The following TRPM4 variants were observed in gnomAD, a reference collection of about 807,000 sequenced individuals.
TRPM4 encodes the protein transient receptor potential cation channel subfamily M member 4, also known as calcium-activated non-selective cation channel 1.
Under a neutral mutation model 135.6 loss-of-function variants are expected in TRPM4, and 124 were observed. The observed-to-expected ratio is 0.91, with a 90% confidence interval of 0.79 to 1.06. The LOEUF (loss-of-function observed/expected upper bound fraction) is 1.06, where lower values mean the gene tolerates loss of function less well. Among genes scored for constraint, TRPM4 ranks in the 50% least tolerant of loss-of-function variants. TRPM4 has a pLI of 0.00. For synonymous variants in TRPM4, 745 were observed against 705.6 expected (o/e 1.06, Z -0.88); for missense variants, 1,658 against 1,671.4 (o/e 0.99, Z 0.14).
In TRPM4 at chr19:49,165,988, G is replaced by A. The variant is rs1001498233; in HGVS notation, c.93-53G>A. The A allele has an allele frequency of 4.6e-6, 7 of 1,533,404 alleles. No individual in the cohort carries two copies. The East Asian group carries it at 1.7e-4, about 37-fold the overall frequency. 95.0% of individuals were successfully genotyped at this position (1,533,404 alleles called of 1,614,324 possible). A position where few individuals can be genotyped will look rare whatever the true frequency, so the allele number is the denominator to read the frequency against. ...ACAGGAGCATGAACACGCTGACAGG[G>A]TGCTGGGGTCGGGGGGCAGCCCTGG... is the stretch of plus-strand genomic sequence containing the variant. On this transcript the variant is annotated intron_variant, in intron 2 of 24. Coordinates refer to ENST00000252826, the MANE Select transcript of TRPM4 (RefSeq NM_017636.4).
chr19:49,176,967 A>G (rs1967719640), intron 9 of TRPM4, among the ~76,000 whole-genome samples: 1 of 151,960 alleles, frequency 6.6e-6, no homozygotes, highest in African/African-American at 2.4e-5. Context: ...TGGAGATAAT[A>G]TCTTACAGGA....
intron 16 of TRPM4, among the ~76,000 whole-genome samples, chr19:49,195,415 A>G (rs1015829881): frequency 6.6e-6 from 1 of 152,010 alleles, no homozygotes; most frequent in Non-Finnish European, 1.5e-5. Flanking sequence ...CTCGTTGCCC[A>G]GGCTGGAGTC....
chr19:49,211,118 T>G lies in TRPM4; in HGVS notation c.3534+31T>G. 1.9e-6 allele frequency: 3 copies of G among 1,612,370 alleles called. No homozygotes were observed. The highest frequency in any genetic ancestry group is 2.5e-6 in the Non-Finnish European group (3 of 1,179,126). Reference sequence around the variant, plus strand: ...GCCTTGGGGCCTGGCTGGGGGACTGTGGCAGGGGTCCCATCTCCCGCTCTG... The same window carrying G: ...GCCTTGGGGCCTGGCTGGGGGACTGGGGCAGGGGTCCCATCTCCCGCTCTG... On this transcript the variant is annotated intron_variant, in intron 23 of 24. Transcript: ENST00000252826. The surrounding 1 kb of genome is among the most constrained non-coding windows in gnomAD (Gnocchi z 4.8).
At position 49,202,066 on chromosome 19, in the gene TRPM4, T is replaced by C. The variant is rs761348609; in HGVS notation, c.3056T>C (p.Leu1019Pro). ...TGCGTCTCCCAGTATGCCAACTGGC[T>C]GGTGGTGCTGCTCCTCGTCATCTTC... ...GTCVSQYANW[L>P]VVLLLVIFLL... Residue 1019 changes from leucine (L) to proline (P), a missense_variant, in exon 20 of 25, where the codon CTG (leucine) becomes CCG (proline). This residue lies in a region of TRPM4 where 1,412 missense variants were observed against 1,408.7 expected (regional missense o/e 1.00). Transcript: ENST00000252826. 6.2e-7 allele frequency: 1 copy of C among 1,614,122 alleles called. No individual in the cohort carries two copies. Among genetic ancestry groups the C allele is most frequent in the Non-Finnish European group, 8.5e-7 (1 of 1,180,048 alleles).
At position 49,188,767 on chromosome 19, in the gene TRPM4, G is replaced by C; in HGVS notation, c.1870G>C (p.Val624Leu). The C allele has an allele frequency of 1.2e-6, 2 of 1,614,098 alleles. No homozygotes were observed. Among genetic ancestry groups the C allele is most frequent in the Non-Finnish European group, 1.7e-6 (2 of 1,179,996 alleles). Residue 624 changes from valine to leucine, a missense_variant, in exon 13 of 25, where the codon GTT (valine) becomes CTT (leucine). Val to Leu is a conservative substitution (Grantham distance 32). Around this residue, in one of 3 missense-constraint regions of TRPM4, gnomAD observed 1,412 missense variants for 1,408.7 expected, o/e 1.00. Transcript: ENST00000252826. ...DLAFKFEGMG[V>L]DLFGECYRSS... ...GGCGTTCAAGTTTGAGGGGATGGGC[G>C]TTGGTGCGTGGGGCACGGTGCCTGG...
intron 16 of TRPM4, among the ~76,000 whole-genome samples, chr19:49,195,707 A>G (rs1968607777): frequency 7.3e-6 from 1 of 137,382 alleles, no homozygotes; most frequent in Non-Finnish European, 1.5e-5. Context: ...TTTTTTAGAC[A>G]GGGTCTCGCT....
chr19:49,171,852 C>A lies in TRPM4; in HGVS notation c.1050+83C>A. ...GCTCCTGGGTCTGAGGGAGGAGGGGCTGGGGGCCTGGACTTCCAGGTTCCG... is the reference window on the plus strand; with the variant it reads ...GCTCCTGGGTCTGAGGGAGGAGGGGATGGGGGCCTGGACTTCCAGGTTCCG... On this transcript the variant is annotated intron_variant, in intron 8 of 24. Transcript: ENST00000252826. The surrounding 1 kb of genome is among the most constrained non-coding windows in gnomAD (Gnocchi z 4.7). The A allele has an allele frequency of 6.7e-7, 1 of 1,483,964 alleles. No individual in the cohort carries two copies. The highest frequency in any genetic ancestry group is 9.3e-7 in the Non-Finnish European group (1 of 1,077,064). 91.9% of individuals were successfully genotyped at this position (1,483,964 alleles called of 1,614,324 possible).
chr19:49,168,458 G>GCCTGGACT, intron 5 of TRPM4, 35 bp downstream of exon 5: 1 of 1,613,856 alleles, frequency 6.2e-7, no homozygotes, highest in Non-Finnish European at 8.5e-7. Context: ...GGGGCTGGAG[G>GCCTGGACT]CCTGGACTCC....
intron 2 of TRPM4, chr19:49,158,652 T>G: frequency 4.5e-6 from 1 of 222,172 alleles, no homozygotes; most frequent in Non-Finnish European, 9.0e-6. Context: ...CACTCAGCGC[T>G]CCCAAGGTCC....
intron 9 of TRPM4, among the ~76,000 whole-genome samples, chr19:49,176,295 A>G (rs1244864161): frequency 6.6e-6 from 1 of 152,148 alleles, no homozygotes; most frequent in Non-Finnish European, 1.5e-5. Context: ...TGGGACAATC[A>G]TAGCTCACTG....
chr19:49,164,364 G>GTTTT (rs869232937), intron 2 of TRPM4, among the ~76,000 whole-genome samples: 315 of 16,250 alleles, frequency 0.019, 71 homozygotes, highest in Admixed American at 0.028. Context: ...TCTTTCCTTA[G>GTTTT]TTTTTTTTTT....
chr19:49,200,429 G>A lies in TRPM4; in HGVS notation c.2775G>A (p.Lys925=). The change falls in exon 18 of 25, where the codon AAG becomes AAA. Residue 925 remains lysine (K), a synonymous_variant. Transcript: ENST00000252826. The part of the protein sequence containing the change: ...QLGPKIVIVS[K]MMKDVFFFLF... ...GGCCCAAGATCGTCATCGTGAGCAA[G>A]ATGGTGAGGCAGGGGCGGGGCCAAA... The A allele has an allele frequency of 6.6e-7, 1 of 1,520,478 alleles. No individual in the cohort carries two copies. Among genetic ancestry groups the A allele is most frequent in the Non-Finnish European group, 8.9e-7 (1 of 1,121,244 alleles). 94.2% of individuals were successfully genotyped at this position (1,520,478 alleles called of 1,614,324 possible).
intron 6 of TRPM4, among the ~76,000 whole-genome samples, chr19:49,170,998 A>G (rs1967430610): frequency 6.6e-6 from 1 of 152,066 alleles, no homozygotes; most frequent in Non-Finnish European, 1.5e-5. Context: ...TAGGAGGATC[A>G]AGATGTAGTG....
At chr19:49,176,959 G>T in intron 9 of TRPM4, among the ~76,000 whole-genome samples, 1 of 152,114 alleles carries the variant, frequency 6.6e-6, no homozygotes, top group African/African-American at 2.4e-5. Context: ...GTGGAAAGTG[G>T]AGATAATATC....
At position 49,197,467 on chromosome 19, in the gene TRPM4, C is replaced by G. The variant is rs565086747; in HGVS notation, c.2645+593C>G. On this transcript the variant is annotated intron_variant, in intron 17 of 24. Transcript: ENST00000252826. ...CCCTCTGTCCTCTGCCCCTCTGCCT[C>G]CCTCCCTCCTTCCTTCCTTCCTTCC... Among the ~76,000 whole-genome samples, 15 of 91,464 alleles carry G rather than the reference C, an allele frequency of 1.6e-4. 1 individual carries two copies. The highest frequency in any genetic ancestry group is 1.4e-3 in the South Asian group (3 of 2,162). The allele number at this position is 91,464 out of a possible 152,430, so 60.0% of individuals were successfully genotyped here. A position where few individuals can be genotyped will look rare whatever the true frequency, so the allele number is the denominator to read the frequency against.
intron 12 of TRPM4, among the ~76,000 whole-genome samples, chr19:49,184,923 GTTTT>G (rs797012638): frequency 6.0e-5 from 8 of 134,118 alleles, no homozygotes; most frequent in Admixed American, 5.0e-4. Context: ...TGTTTTCTGT[GTTTT>G]TTTCTTTTTT....
rs184054151 is a variant in TRPM4, at chr19:49,199,106, A to C, written c.2646-1194A>C. Among the ~76,000 whole-genome samples, 223 of 151,470 alleles carry C rather than the reference A, an allele frequency of 1.5e-3. 3 individuals carry two copies. The highest frequency in any genetic ancestry group is 5.2e-3 in the African/African-American group (212 of 40,834). ...CTTTCACTCTAAAATGTAGCTCTCA[A>C]TTTAACTGAAAAAAAATTTGCCAAT... On this transcript the variant is annotated intron_variant, in intron 17 of 24. Transcript: ENST00000252826.
chr19:49,182,874 CT>C lies in TRPM4; in HGVS notation c.1561del (p.Ser521ProfsTer49). 6.2e-7 allele frequency: 1 copy of C among 1,605,612 alleles called. No individual in the cohort carries two copies. Among genetic ancestry groups the C allele is most frequent in the Non-Finnish European group, 8.5e-7 (1 of 1,175,636 alleles). Reference protein sequence around the residue: ...LGKMCAPRYPSGGAWDPHPGQ... With the variant: ...LGKMCAPRYPXGGAWDPHPGQ... ...GGAAGATGTGCGCGCCGAGGTACCC[CT>C]CCGGGGGCGCCTGGGACCCTCACCC... On this transcript the variant is annotated frameshift_variant, in exon 11 of 25. Transcript: ENST00000252826. LOFTEE classifies it high-confidence loss of function.
chr19:49,168,978 C>T (rs990274279), intron 6 of TRPM4, among the ~76,000 whole-genome samples: 7 of 151,610 alleles, frequency 4.6e-5, no homozygotes, highest in African/African-American at 1.7e-4. Flanking sequence ...TCAAGACCAG[C>T]CTGGGTAACA....
Sources: allele counts gnomAD v4.1 joint callset (sites outside exome capture counted in the v4.1 genomes callset), GRCh38; gene constraint gnomAD v4.1.1; regional missense constraint gnomAD v4.1.1; non-coding constraint Gnocchi (gnomAD v3.1); transcripts MANE v1.5; gene names NCBI Gene and HGNC (gene_info 2026-07-23, HGNC 2026-07-21).